The following BCL2L11 variants were observed in gnomAD, a reference collection of about 807,000 sequenced individuals.
BCL2L11 encodes the protein BCL2 like 11, also known as bcl-2-like protein 11.
BCL2L11 carries 15 observed loss-of-function variants against 20.6 expected under a neutral mutation model. That is an observed-to-expected ratio of 0.73 (90% CI 0.49 to 1.12). The LOEUF (loss-of-function observed/expected upper bound fraction) is 1.12. Ranked by LOEUF, BCL2L11 falls within the 50% of genes most tolerant of loss-of-function variation. The pLI is 0.00. For missense variants in BCL2L11, 292 were observed against 260.9 expected, an observed-to-expected ratio of 1.12 and a Z score of -0.82; for synonymous variants, 108 against 92.8, an observed-to-expected ratio of 1.16 and a Z score of -0.94.
intron 2 of BCL2L11, among the ~76,000 whole-genome samples, chr2:111,147,157 C>T (rs2076626949): frequency 6.6e-6 from 1 of 152,158 alleles, no homozygotes; most frequent in Admixed American, 6.5e-5. Flanking sequence ...AGCCTAGTCT[C>T]TAAACCATTA....
intron 2 of BCL2L11, among the ~76,000 whole-genome samples, chr2:111,134,513 C>T (rs774630208): frequency 1.3e-5 from 2 of 152,138 alleles, no homozygotes; most frequent in Non-Finnish European, 2.9e-5. Context: ...GTACATTGAG[C>T]ACTGAATGAG....
intron 1 of BCL2L11, chr2:111,122,675 C>G: frequency 1.0e-6 from 1 of 982,790 alleles, no homozygotes; most frequent in Non-Finnish European, 1.2e-6. Context: ...CGGCTGCGGC[C>G]GGGGCAGCGC....
intron 1 of BCL2L11, chr2:111,122,832 CA>C: frequency 7.1e-6 from 7 of 985,322 alleles, no homozygotes; most frequent in Non-Finnish European, 8.4e-6. Flanking sequence ...TGGTGACGGT[CA>C]GGGGGCGCCC....
intron 3 of BCL2L11, among the ~76,000 whole-genome samples, chr2:111,158,758 C>T (rs894654687): frequency 6.6e-6 from 1 of 152,166 alleles, no homozygotes; most frequent in Non-Finnish European, 1.5e-5. Flanking sequence ...TGTCGTTTTT[C>T]CCTCGTTGCT....
Position 111,123,203 on chromosome 2 carries a change from A to G in BCL2L11, c.-13-530A>G, listed in dbSNP as rs369476992. Reference sequence around the variant, plus strand: ...CGGGCCGAGCCGCGCTGGAGTTACAAACTCTATTGTGACGCACTTACTACG... The same window carrying G: ...CGGGCCGAGCCGCGCTGGAGTTACAGACTCTATTGTGACGCACTTACTACG... On this transcript the variant is annotated intron_variant, in intron 1 of 3. Coordinates refer to ENST00000393256, the MANE Select transcript of BCL2L11 (RefSeq NM_138621.5). The G allele has an allele frequency of 9.0e-5, 89 of 985,330 alleles. No individual in the cohort carries two copies. The African/African-American group carries it at 1.4e-3, about 15-fold the overall frequency. The allele number at this position is 985,330 out of a possible 1,614,324, so 61.0% of individuals were successfully genotyped here. A position where few individuals can be genotyped will look rare whatever the true frequency, so the allele number is the denominator to read the frequency against.
chr2:111,147,458 T>C (rs1223032240), intron 2 of BCL2L11, among the ~76,000 whole-genome samples: 1 of 152,164 alleles, frequency 6.6e-6, no homozygotes, highest in East Asian at 1.9e-4. Context: ...GGCTAATTAA[T>C]GTTAACTACT....
chr2:111,151,933 A>G (rs2077305728), intron 3 of BCL2L11: 4 of 1,459,262 alleles, frequency 2.7e-6, no homozygotes, highest in Admixed American at 3.9e-5. Flanking sequence ...ATAACTTGTC[A>G]CTGAAGTAAC....
In BCL2L11 at chr2:111,122,593, G is replaced by A. The variant is rs2071328971; in HGVS notation, c.-13-1140G>A. ...GCACCCGGCGCCAGCGGCGCGGGGAGGTCGGCGGTGCCGGCGGCGGCGGGC... is the reference window on the plus strand; with the variant it reads ...GCACCCGGCGCCAGCGGCGCGGGGAAGTCGGCGGTGCCGGCGGCGGCGGGC... On this transcript the variant is annotated intron_variant, in intron 1 of 3. Transcript: ENST00000393256. 4.1e-6 allele frequency: 4 copies of A among 984,202 alleles called. No individual in the cohort carries two copies. In the African/African-American group the frequency reaches 5.3e-5, roughly 13 times the overall value. The allele number at this position is 984,202 out of a possible 1,614,324, so 61.0% of individuals were successfully genotyped here.
intron 2 of BCL2L11, among the ~76,000 whole-genome samples, chr2:111,137,080 A>G (rs1370098713): frequency 6.6e-6 from 1 of 152,074 alleles, no homozygotes; most frequent in African/African-American, 2.4e-5. Flanking sequence ...CCCAATTCCG[A>G]TTTTATATGC....
intron 2 of BCL2L11, among the ~76,000 whole-genome samples, chr2:111,124,839 C>T (rs1040691268): frequency 2.0e-5 from 3 of 152,088 alleles, no homozygotes; most frequent in Non-Finnish European, 2.9e-5. Flanking sequence ...TTCATGAAAG[C>T]AGTACCAACA....
chr2:111,147,746 A>G (rs1427871394), intron 2 of BCL2L11, among the ~76,000 whole-genome samples: 1 of 152,250 alleles, frequency 6.6e-6, no homozygotes, highest in Non-Finnish European at 1.5e-5. Flanking sequence ...TCAAAGTGTT[A>G]AAGAGAATCC....
intron 2 of BCL2L11, among the ~76,000 whole-genome samples, chr2:111,143,515 G>T (rs2076116318): frequency 6.6e-6 from 1 of 152,202 alleles, no homozygotes; most frequent in Non-Finnish European, 1.5e-5. Context: ...GATTGAAGTG[G>T]GGCTTAGAAG....
At chr2:111,125,355 C>A (rs2072337494) in intron 2 of BCL2L11, among the ~76,000 whole-genome samples, 1 of 152,078 alleles carries the variant, frequency 6.6e-6, no homozygotes, top group Admixed American at 6.5e-5. Flanking sequence ...CTTGCTGTTC[C>A]CCACCAATGG....
At position 111,133,905 on chromosome 2, in the gene BCL2L11, A is replaced by G. The variant is rs112834853; in HGVS notation, c.394+9766A>G. Among the ~76,000 whole-genome samples, 1,350 of 152,270 alleles carry G rather than the reference A, an allele frequency of 8.9e-3. 26 individuals are homozygous for G. The highest frequency in any genetic ancestry group is 0.031 in the African/African-American group (1,303 of 41,556). On this transcript the variant is annotated intron_variant, in intron 2 of 3. Coordinates refer to ENST00000393256, the MANE Select transcript of BCL2L11 (RefSeq NM_138621.5). ...AGGTGCTGCTGTTTGGAGTTTACAC[A>G]TTTAAAATGTCTTCAGGTTGGATCC...
At chr2:111,139,717 C>A (rs1013110270) in intron 2 of BCL2L11, among the ~76,000 whole-genome samples, 1 of 152,174 alleles carries the variant, frequency 6.6e-6, no homozygotes, top group Non-Finnish European at 1.5e-5. Context: ...CGGTTTAACC[C>A]GTTTGTAAGA....
chr2:111,141,742 A>G (rs1179522623), intron 2 of BCL2L11, among the ~76,000 whole-genome samples: 4 of 149,350 alleles, frequency 2.7e-5, no homozygotes, highest in Non-Finnish European at 4.4e-5. Context: ...CTTGTCACCC[A>G]GGCTGGAGTG....
intron 2 of BCL2L11, among the ~76,000 whole-genome samples, chr2:111,140,248 G>A (rs1396256974): frequency 6.6e-6 from 1 of 151,974 alleles, no homozygotes; most frequent in Admixed American, 6.6e-5. Context: ...AGATGGTTTT[G>A]AAGCTAAAAT....
At chr2:111,143,266 C>T (rs561184413) in intron 2 of BCL2L11, among the ~76,000 whole-genome samples, 3 of 152,194 alleles carry the variant, frequency 2.0e-5, no homozygotes, top group Admixed American at 2.0e-4. Context: ...CGTGTCTTTC[C>T]CCAGAAGAAC....
rs866528269 is a variant in BCL2L11 at position 111,145,925 on chromosome 2, T to C, written c.395-4119T>C. 3.4e-3 allele frequency: 2,408 copies of C among 716,792 alleles called. 26 individuals carry two copies. The African/African-American group carries it at 0.068, about 20-fold the overall frequency. The allele number at this position is 716,792 out of a possible 1,614,324, so 44.4% of individuals were successfully genotyped here. On this transcript the variant is annotated intron_variant, in intron 2 of 3. Transcript: ENST00000393256. ...AAGTTTTGATTAGTGGCTTTCTTTT[T>C]TTTTTTTTTTTTTTTGTAACAAGTA...
Sources: gnomAD v4.1 joint callset for allele counts (sites outside exome capture counted in the v4.1 genomes callset) on GRCh38, gnomAD v4.1.1 for gene constraint, MANE v1.5 for transcripts, NCBI Gene and HGNC (gene_info 2026-07-23, HGNC 2026-07-21) for gene names.